Variants in TMEM245 observed in about 807,000 individuals in gnomAD.
TMEM245 encodes the protein transmembrane protein 245, also known as protein CG-2.
TMEM245 carries 69 observed loss-of-function variants against 101.2 expected under a neutral mutation model. That is an observed-to-expected ratio of 0.68 (90% CI 0.56 to 0.83). The LOEUF (loss-of-function observed/expected upper bound fraction) is 0.83, where lower values mean the gene tolerates loss of function less well. Among genes scored for constraint, TMEM245 ranks in the 40% least tolerant of loss-of-function variants. TMEM245 has a pLI of 0.00. For synonymous variants in TMEM245, 537 were observed against 449.8 expected (o/e 1.19, Z -2.45); for missense variants, 1,075 against 1,092.8 (o/e 0.98, Z 0.23).
rs1827438628 is a variant in TMEM245, at chr9:109,016,393, G to A, written c.*4067C>T. On this transcript the variant is annotated 3_prime_UTR_variant, in exon 18 of 18. Transcript: ENST00000374586. ...AAAAGCTGCTCAACCATGAAGAAAAGGAAAGAGAAGTAGAACAACGGACTG... is the reference window on the plus strand; with the variant it reads ...AAAAGCTGCTCAACCATGAAGAAAAAGAAAGAGAAGTAGAACAACGGACTG... 1 of 151,818 alleles carries A rather than the reference G, an allele frequency of 6.6e-6. No individual in the cohort carries two copies. Among genetic ancestry groups the A allele is most frequent in the African/African-American group, 2.4e-5 (1 of 41,364 alleles). The allele number at this position is 151,818 out of a possible 1,614,324, so 9.4% of individuals were successfully genotyped here.
intron 1 of TMEM245, among the ~76,000 whole-genome samples, chr9:109,111,906 G>T (rs1405905648): frequency 2.0e-5 from 3 of 152,216 alleles, no homozygotes; most frequent in Admixed American, 1.3e-4. Context: ...TATTACAGGT[G>T]CTCAATTTTC....
chr9:109,066,472 A>AAAT (rs1829169718), intron 9 of TMEM245, among the ~76,000 whole-genome samples: 1 of 147,880 alleles, frequency 6.8e-6, no homozygotes, highest in Admixed American at 7.0e-5. Context: ...AAAAAAAAAA[A>AAAT]AAAAAATTTC....
At chr9:109,039,042 AAAG>A (rs1217548067) in intron 14 of TMEM245, 3 of 152,196 alleles carry the variant, frequency 2.0e-5, no homozygotes, top group Non-Finnish European at 4.4e-5. Flanking sequence ...TGTAGTTGAA[AAAG>A]AAGACGTTAG....
chr9:109,102,952 C>T (rs7028081), intron 3 of TMEM245, among the ~76,000 whole-genome samples: 1 of 152,088 alleles, frequency 6.6e-6, no homozygotes, highest in Non-Finnish European at 1.5e-5. Flanking sequence ...ATTTGAGGAC[C>T]ACTACTATAT....
chr9:109,115,914 T>C (rs1015016749), intron 1 of TMEM245, among the ~76,000 whole-genome samples: 9 of 152,218 alleles, frequency 5.9e-5, no homozygotes, highest in Non-Finnish European at 8.8e-5. Context: ...AGAGTTTTGA[T>C]AACAGCAGGA....
chr9:109,033,651 A>T, intron 16 of TMEM245, 150 bp from the exon 17 acceptor site: 1 of 626,374 alleles, frequency 1.6e-6, no homozygotes, highest in Non-Finnish European at 2.5e-6. Context: ...CTGAACACTG[A>T]CTGCAATAAT....
chr9:109,075,318 T>G (rs886650260), intron 8 of TMEM245, among the ~76,000 whole-genome samples: 1 of 152,202 alleles, frequency 6.6e-6, no homozygotes, highest in Non-Finnish European at 1.5e-5. Context: ...GGGATACTGG[T>G]CTGCAGTTTC....
intron 17 of TMEM245, among the ~76,000 whole-genome samples, chr9:109,021,478 T>C (rs185462930): frequency 6.7e-6 from 1 of 148,770 alleles, no homozygotes; most frequent in Non-Finnish European, 1.5e-5. Flanking sequence ...GAAAAATATT[T>C]GACTTTACAG....
chr9:109,048,265 GA>G (rs1828560445), intron 14 of TMEM245, among the ~76,000 whole-genome samples: 1 of 152,126 alleles, frequency 6.6e-6, no homozygotes, highest in South Asian at 2.1e-4. Flanking sequence ...TTGCTAGTAG[GA>G]AAAGGGGAGA....
chr9:109,060,694 C>A (rs532461712), intron 10 of TMEM245, among the ~76,000 whole-genome samples: 2 of 152,284 alleles, frequency 1.3e-5, no homozygotes, highest in African/African-American at 4.8e-5. Flanking sequence ...AGCTACCTCA[C>A]GCTATCAGAG....
chr9:109,055,046 T>C (rs1351537768), intron 12 of TMEM245, among the ~76,000 whole-genome samples: 1 of 152,228 alleles, frequency 6.6e-6, no homozygotes. Context: ...AAAACTGTTA[T>C]TTTAGTTTCA....
chr9:109,039,749 T>A (rs540506317), intron 14 of TMEM245, among the ~76,000 whole-genome samples: 1 of 151,188 alleles, frequency 6.6e-6, no homozygotes, highest in South Asian at 2.1e-4. Flanking sequence ...ATCATTTCCG[T>A]AGTAGGAGGA....
At chr9:109,099,284 G>C (rs1457225021) in intron 3 of TMEM245, among the ~76,000 whole-genome samples, 1 of 152,186 alleles carries the variant, frequency 6.6e-6, no homozygotes, top group Non-Finnish European at 1.5e-5. Context: ...TGGGGACTGG[G>C]AGGGGAGCAG....
intron 14 of TMEM245, among the ~76,000 whole-genome samples, chr9:109,048,416 C>A (rs1461439099): frequency 6.6e-6 from 1 of 150,824 alleles, no homozygotes; most frequent in Admixed American, 6.6e-5. Flanking sequence ...CAAGATCAAT[C>A]AGGTGCAATT....
chr9:109,060,216 T>C (rs1828968235), intron 11 of TMEM245, 138 bp downstream of exon 11: 2 of 618,998 alleles, frequency 3.2e-6, no homozygotes, highest in Non-Finnish European at 5.5e-6. Context: ...TGACTTTTAG[T>C]GACCTGAGGC....
At chr9:109,075,609 C>T (rs930972066) in intron 8 of TMEM245, among the ~76,000 whole-genome samples, 2 of 152,198 alleles carry the variant, frequency 1.3e-5, no homozygotes, top group Non-Finnish European at 2.9e-5. Flanking sequence ...GGAATTTCTC[C>T]ATTTAATGTT....
intron 1 of TMEM245, among the ~76,000 whole-genome samples, chr9:109,115,479 T>C (rs903219975): frequency 6.7e-6 from 1 of 148,940 alleles, no homozygotes; most frequent in African/African-American, 2.5e-5. Context: ...TCTAGATGAC[T>C]AGAATGCTGA....
chr9:109,101,357 G>T (rs998264071), intron 3 of TMEM245, among the ~76,000 whole-genome samples: 17 of 152,162 alleles, frequency 1.1e-4, no homozygotes, highest in Non-Finnish European at 2.2e-4. Context: ...TGCACACACT[G>T]TTGTGGCAGT....
chr9:109,044,206 T>C (rs139560785), intron 14 of TMEM245, among the ~76,000 whole-genome samples: 209 of 152,306 alleles, frequency 1.4e-3, no homozygotes, highest in Non-Finnish European at 2.5e-3. Context: ...ACAAACCAGA[T>C]TGTGCTTGCT....
Sources: allele counts gnomAD v4.1 joint callset (sites outside exome capture counted in the v4.1 genomes callset), GRCh38; gene constraint gnomAD v4.1.1; transcripts MANE v1.5; gene names NCBI Gene and HGNC (gene_info 2026-07-23, HGNC 2026-07-21).